The following KCNC2 variants were observed in gnomAD, a reference collection of about 807,000 sequenced individuals.
The protein encoded by KCNC2 is potassium voltage-gated channel subfamily C member 2, also known as voltage-gated potassium channel KCNC2.
A neutral mutation model predicts 44.5 loss-of-function variants in KCNC2; 21 were observed. That is an observed-to-expected ratio of 0.47 (90% CI 0.33 to 0.68). The LOEUF (loss-of-function observed/expected upper bound fraction) is 0.68. Among genes scored for constraint, KCNC2 ranks in the 30% least tolerant of loss-of-function variants. KCNC2 has a pLI of 0.01. For synonymous variants in KCNC2, 391 were observed against 339.1 expected (o/e 1.15, Z -1.68); for missense variants, 589 against 826.2 (o/e 0.71, Z 3.52).
At chr12:75,191,772 A>G (rs2030301324) in intron 2 of KCNC2, among the ~76,000 whole-genome samples, 1 of 150,768 alleles carries the variant, frequency 6.6e-6, no homozygotes, top group African/African-American at 2.4e-5. Context: ...GATGGTCTCG[A>G]TCTCCTGACC....
chr12:75,074,340 G>A (rs1238525725), intron 2 of KCNC2, among the ~76,000 whole-genome samples: 2 of 149,150 alleles, frequency 1.3e-5, no homozygotes, highest in African/African-American at 5.0e-5. Context: ...AGGAGTCCAT[G>A]GCCAGATTTG....
At chr12:75,076,079 A>G (rs1592815310) in intron 2 of KCNC2, among the ~76,000 whole-genome samples, 1 of 146,870 alleles carries the variant, frequency 6.8e-6, no homozygotes, top group Non-Finnish European at 1.5e-5. Flanking sequence ...ACACACACAC[A>G]CGCTTACAAA....
At chr12:75,169,759 G>A (rs1593016237) in intron 2 of KCNC2, among the ~76,000 whole-genome samples, 1 of 151,640 alleles carries the variant, frequency 6.6e-6, no homozygotes, top group East Asian at 2.0e-4. Context: ...GAGAACAAGA[G>A]CTATTAATAA....
intron 2 of KCNC2, among the ~76,000 whole-genome samples, chr12:75,095,410 T>C (rs1319173049): frequency 6.6e-6 from 1 of 151,792 alleles, no homozygotes; most frequent in Non-Finnish European, 1.5e-5. Flanking sequence ...ATTTTGCATT[T>C]TTCCCCGGCC....
At chr12:75,186,748 T>C (rs939911612) in intron 2 of KCNC2, among the ~76,000 whole-genome samples, 5 of 152,240 alleles carry the variant, frequency 3.3e-5, no homozygotes, top group African/African-American at 1.2e-4. Context: ...ATTCTTATTT[T>C]CATGATACTT....
chr12:75,164,402 A>G (rs940141625), intron 2 of KCNC2, among the ~76,000 whole-genome samples: 21 of 151,824 alleles, frequency 1.4e-4, no homozygotes, highest in African/African-American at 5.1e-4. Context: ...TCACAAGTCA[A>G]TTTGTGTCCT....
intron 2 of KCNC2, among the ~76,000 whole-genome samples, chr12:75,112,052 AT>A (rs1184847591): frequency 6.6e-6 from 1 of 151,970 alleles, no homozygotes; most frequent in Non-Finnish European, 1.5e-5. Flanking sequence ...TCTGTAAATA[AT>A]TTTTAAATAT....
intron 2 of KCNC2, among the ~76,000 whole-genome samples, chr12:75,099,576 A>G (rs1019388366): frequency 6.6e-6 from 1 of 152,188 alleles, no homozygotes; most frequent in Non-Finnish European, 1.5e-5. Context: ...TTTTATGCAA[A>G]CATATGGTGT....
chr12:75,158,748 C>T (rs1474123689), intron 2 of KCNC2, among the ~76,000 whole-genome samples: 2 of 151,804 alleles, frequency 1.3e-5, no homozygotes, highest in Non-Finnish European at 2.9e-5. Flanking sequence ...TGGGTAGTTA[C>T]ACTTCAAAGG....
chr12:75,084,325 T>TAGATAGATAGATAGAG (rs1884805170), intron 2 of KCNC2, among the ~76,000 whole-genome samples: 2 of 150,902 alleles, frequency 1.3e-5, no homozygotes, highest in Non-Finnish European at 2.9e-5. Context: ...GATAGATAGA[T>TAGATAGATAGATAGAG]AGATAGATAT....
intron 2 of KCNC2, among the ~76,000 whole-genome samples, chr12:75,181,314 C>A (rs146592614): frequency 1.3e-5 from 2 of 152,228 alleles, no homozygotes; most frequent in East Asian, 3.9e-4. Flanking sequence ...TATCTTTTGG[C>A]TTTTTTCAAT....
At chr12:75,179,198 T>C (rs968512496) in intron 2 of KCNC2, among the ~76,000 whole-genome samples, 3 of 152,046 alleles carry the variant, frequency 2.0e-5, no homozygotes, top group African/African-American at 7.2e-5. Flanking sequence ...AGAACACTAG[T>C]AAAAATTAGG....
intron 2 of KCNC2, among the ~76,000 whole-genome samples, chr12:75,051,965 T>TAAATGAA (rs1418260472): frequency 3.3e-5 from 5 of 152,072 alleles, no homozygotes; most frequent in African/African-American, 1.2e-4. Context: ...AGGAGCAATT[T>TAAATGAA]AAATGAAAAT....
intron 2 of KCNC2, among the ~76,000 whole-genome samples, chr12:75,193,015 T>C (rs1398618093): frequency 3.3e-5 from 5 of 152,186 alleles, no homozygotes; most frequent in Non-Finnish European, 5.9e-5. Context: ...CATTGTACCC[T>C]ATAAATATCT....
chr12:75,124,338 G>A (rs1481774580), intron 2 of KCNC2, among the ~76,000 whole-genome samples: 1 of 152,158 alleles, frequency 6.6e-6, no homozygotes, highest in East Asian at 1.9e-4. Context: ...CTAACCAGCT[G>A]TTTAATACTT....
At chr12:75,192,386 G>T (rs1013533428) in intron 2 of KCNC2, among the ~76,000 whole-genome samples, 1 of 152,096 alleles carries the variant, frequency 6.6e-6, no homozygotes, top group African/African-American at 2.4e-5. Flanking sequence ...GGTCCCACCG[G>T]CGATGTTTCT....
At chr12:75,070,400 G>A (rs577798969) in intron 2 of KCNC2, among the ~76,000 whole-genome samples, 4 of 150,618 alleles carry the variant, frequency 2.7e-5, no homozygotes, top group South Asian at 4.2e-4. Context: ...GCAGTGAGCC[G>A]AGATTGCACC....
chr12:75,128,658 A>G (rs1304598202), intron 2 of KCNC2, among the ~76,000 whole-genome samples: 1 of 152,130 alleles, frequency 6.6e-6, no homozygotes, highest in East Asian at 1.9e-4. Context: ...CAACAGGAAA[A>G]AAAACAGATA....
intron 2 of KCNC2, among the ~76,000 whole-genome samples, chr12:75,138,698 G>A (rs184111149): frequency 3.7e-4 from 57 of 152,062 alleles, no homozygotes; most frequent in South Asian, 2.9e-3. Flanking sequence ...ACGGGATTCC[G>A]GGCTGGGCGC....
Sources: gnomAD v4.1 joint callset for allele counts (sites outside exome capture counted in the v4.1 genomes callset) on GRCh38, gnomAD v4.1.1 for gene constraint, MANE v1.5 for transcripts, NCBI Gene and HGNC (gene_info 2026-07-23, HGNC 2026-07-21) for gene names.